SLC4A10: variants seen among roughly 807,000 people sequenced by gnomAD.
SLC4A10 encodes the protein solute carrier family 4 member 10.
SLC4A10 carries 42 observed loss-of-function variants against 137.7 expected under a neutral mutation model. The ratio of observed to expected loss-of-function variants is 0.30; its 90% CI spans 0.24 to 0.39. The LOEUF (loss-of-function observed/expected upper bound fraction) is 0.39, where lower values mean the gene tolerates loss of function less well. Ranked by LOEUF, SLC4A10 falls within the 10% of genes least tolerant of loss-of-function variation. The probability of loss-of-function intolerance (pLI) is 1.00; values close to 1 mark genes in which losing one functional copy is unlikely to be tolerated. For synonymous variants in SLC4A10, 474 were observed against 464.1 expected (o/e 1.02, Z -0.27); for missense variants, 925 against 1,355.0 (o/e 0.68, Z 4.98).
intron 1 of SLC4A10, among the ~76,000 whole-genome samples, chr2:161,701,737 C>G (rs955810735): frequency 2.6e-5 from 4 of 151,626 alleles, no homozygotes; most frequent in African/African-American, 9.7e-5. Flanking sequence ...TTCCTTTTAC[C>G]CTTCCTAGCT....
At chr2:161,980,707 G>A (rs1041893654) in intron 26 of SLC4A10, among the ~76,000 whole-genome samples, 1 of 152,148 alleles carries the variant, frequency 6.6e-6, no homozygotes, top group Non-Finnish European at 1.5e-5. Flanking sequence ...AGTTTACTTA[G>A]CATCATGACA....
At chr2:161,825,639 A>G (rs1270256820) in intron 3 of SLC4A10, among the ~76,000 whole-genome samples, 1 of 152,158 alleles carries the variant, frequency 6.6e-6, no homozygotes, top group Non-Finnish European at 1.5e-5. Context: ...GATTCACAGA[A>G]GACACACACA....
intron 1 of SLC4A10, among the ~76,000 whole-genome samples, chr2:161,659,067 A>G (rs2037947682): frequency 6.6e-6 from 1 of 151,368 alleles, no homozygotes; most frequent in South Asian, 2.1e-4. Context: ...TATCCAAAGG[A>G]AAAAAAAATC....
intron 1 of SLC4A10, among the ~76,000 whole-genome samples, chr2:161,764,344 T>C (rs1298778976): frequency 3.3e-5 from 5 of 152,030 alleles, no homozygotes; most frequent in Non-Finnish European, 7.4e-5. Context: ...GTGGTAATAG[T>C]GGAAGGCTAA....
chr2:161,765,005 A>T (rs1574844153), intron 1 of SLC4A10, among the ~76,000 whole-genome samples: 3 of 152,082 alleles, frequency 2.0e-5, no homozygotes, highest in African/African-American at 7.2e-5. Flanking sequence ...AGTTACTGTT[A>T]CTCTGTTCCA....
At chr2:161,672,395 G>A (rs2039829922) in intron 1 of SLC4A10, among the ~76,000 whole-genome samples, 1 of 152,008 alleles carries the variant, frequency 6.6e-6, no homozygotes, top group South Asian at 2.1e-4. Flanking sequence ...AAATACTCCT[G>A]CCTCCTGACT....
intron 17 of SLC4A10, 107 bp from the exon 18 acceptor site, chr2:161,949,041 G>T: frequency 3.1e-6 from 2 of 638,720 alleles, no homozygotes; most frequent in African/African-American, 1.9e-5. Flanking sequence ...ATAATATTAT[G>T]ATATTATGTC....
At chr2:161,646,671 G>A (rs1333891180) in intron 1 of SLC4A10, among the ~76,000 whole-genome samples, 1 of 151,892 alleles carries the variant, frequency 6.6e-6, no homozygotes, top group Admixed American at 6.6e-5. Context: ...GTCTAAATAA[G>A]TAAATATATA....
chr2:161,663,367 G>A (rs1179220152), intron 1 of SLC4A10, among the ~76,000 whole-genome samples: 2 of 151,856 alleles, frequency 1.3e-5, no homozygotes, highest in East Asian at 3.9e-4. Flanking sequence ...TGATGATTTG[G>A]GGCTATATTT....
chr2:161,715,931 C>T (rs1248383298), intron 1 of SLC4A10, among the ~76,000 whole-genome samples: 1 of 152,138 alleles, frequency 6.6e-6, no homozygotes. Context: ...AATGTTTGAA[C>T]TAATTTACAT....
At chr2:161,661,099 T>G (rs2038328438) in intron 1 of SLC4A10, among the ~76,000 whole-genome samples, 1 of 152,194 alleles carries the variant, frequency 6.6e-6, no homozygotes, top group Non-Finnish European at 1.5e-5. Flanking sequence ...ATAATTTCCT[T>G]TTCTATCTGC....
Position 161,755,305 on chromosome 2 carries a change from G to A in SLC4A10, c.49-15668G>A, listed in dbSNP as rs191940819. Among the ~76,000 whole-genome samples the A allele has an allele frequency of 6.2e-4, 94 of 152,158 alleles. 1 individual carries two copies. The highest frequency in any genetic ancestry group is 2.2e-3 in the African/African-American group (90 of 41,510). On this transcript the variant is annotated intron_variant, in intron 1 of 26. Coordinates refer to ENST00000446997, the MANE Select transcript of SLC4A10 (RefSeq NM_001178015.2). ...ATCACATTAATTCATTATTTCATTT[G>A]GTATGTGTTTTCCAAACTGAGATTA...
intron 1 of SLC4A10, among the ~76,000 whole-genome samples, chr2:161,636,410 T>C (rs1424967405): frequency 6.6e-6 from 1 of 152,226 alleles, no homozygotes; most frequent in Non-Finnish European, 1.5e-5. Flanking sequence ...TTCACCTTTT[T>C]TGAGTTGGAG....
In SLC4A10 at chr2:161,804,437, T is replaced by C. The variant is rs750781871; in HGVS notation, c.131-12T>C. 3 of 1,606,850 alleles carry C rather than the reference T, an allele frequency of 1.9e-6. No homozygotes were observed. In the African/African-American group the frequency reaches 4.0e-5, roughly 22 times the overall value. On this transcript the variant is annotated splice_polypyrimidine_tract_variant and intron_variant, in intron 2 of 26. Transcript: ENST00000446997. ...TTCAGAGTTTAATTTGTGGGTTTGC[T>C]TCCTTATGAAGGTCATCGAACACTA...
intron 1 of SLC4A10, among the ~76,000 whole-genome samples, chr2:161,705,770 G>A (rs1345551627): frequency 6.6e-6 from 1 of 151,432 alleles, no homozygotes; most frequent in Non-Finnish European, 1.5e-5. Context: ...ATTTGTTGTT[G>A]TGGCATTTTG....
chr2:161,654,637 C>G (rs923337278), intron 1 of SLC4A10, among the ~76,000 whole-genome samples: 2 of 152,110 alleles, frequency 1.3e-5, no homozygotes, highest in Admixed American at 6.5e-5. Context: ...AGAGGCTATT[C>G]TTTCCCTGTG....
At chr2:161,814,861 A>G (rs1392809138) in intron 3 of SLC4A10, among the ~76,000 whole-genome samples, 1 of 152,062 alleles carries the variant, frequency 6.6e-6, no homozygotes. Flanking sequence ...CATACCCCAA[A>G]CCTCAGCATC....
At chr2:161,945,543 G>T (rs1321132827) in intron 16 of SLC4A10, among the ~76,000 whole-genome samples, 2 of 151,256 alleles carry the variant, frequency 1.3e-5, no homozygotes, top group Admixed American at 1.3e-4. Context: ...ACGAGAGCAG[G>T]ATTTGGATTT....
chr2:161,737,831 T>C (rs2047499789), intron 1 of SLC4A10, among the ~76,000 whole-genome samples: 1 of 151,064 alleles, frequency 6.6e-6, no homozygotes, highest in South Asian at 2.1e-4. Flanking sequence ...CTTGATCTAC[T>C]TAGTCAATGA....
Sources: allele counts gnomAD v4.1 joint callset (sites outside exome capture counted in the v4.1 genomes callset), GRCh38; gene constraint gnomAD v4.1.1; transcripts MANE v1.5; gene names NCBI Gene and HGNC (gene_info 2026-07-23, HGNC 2026-07-21).